The following CTNNA2 variants were observed in gnomAD, a reference collection of about 807,000 sequenced individuals.
The protein encoded by CTNNA2 is catenin alpha-2.
CTNNA2 carries 42 observed loss-of-function variants against 101.0 expected under a neutral mutation model. That is an observed-to-expected ratio of 0.42 (90% CI 0.32 to 0.54). The LOEUF (loss-of-function observed/expected upper bound fraction) is 0.54, where lower values mean the gene tolerates loss of function less well. Ranked by LOEUF, CTNNA2 falls within the 20% of genes least tolerant of loss-of-function variation. CTNNA2 has a pLI of 0.14. For synonymous variants in CTNNA2, 450 were observed against 456.4 expected (o/e 0.99, Z 0.18); for missense variants, 871 against 1,223.1 (o/e 0.71, Z 4.29).
At chr2:80,232,778 G>A (rs1020899299) in intron 7 of CTNNA2, among the ~76,000 whole-genome samples, 1 of 152,030 alleles carries the variant, frequency 6.6e-6, no homozygotes, top group Admixed American at 6.6e-5. Context: ...ATGTCACTTC[G>A]TTAGATAGCT....
At chr2:79,908,957 T>C (rs182647367) in intron 6 of CTNNA2, among the ~76,000 whole-genome samples, 131 of 152,360 alleles carry the variant, frequency 8.6e-4, no homozygotes, top group African/African-American at 3.0e-3. Flanking sequence ...TATCACTATT[T>C]TCCTCTTATA....
At chr2:79,268,153 C>T (rs1675011417) in intron 2 of CTNNA2, among the ~76,000 whole-genome samples, 1 of 152,050 alleles carries the variant, frequency 6.6e-6, no homozygotes, top group African/African-American at 2.4e-5. Flanking sequence ...ACAAGTTGAC[C>T]TAGTATCAAC....
intron 7 of CTNNA2, among the ~76,000 whole-genome samples, chr2:80,371,212 T>C (rs1675410979): frequency 6.6e-6 from 1 of 152,164 alleles, no homozygotes; most frequent in Admixed American, 6.6e-5. Flanking sequence ...ATGCCATATA[T>C]TGAGGTAGCA....
chr2:80,204,467 C>T (rs1375609003), intron 7 of CTNNA2, among the ~76,000 whole-genome samples: 2 of 152,230 alleles, frequency 1.3e-5, no homozygotes, highest in Non-Finnish European at 2.9e-5. Flanking sequence ...AGAGCAGAGG[C>T]AAAATGCCAC....
At chr2:80,587,976 T>C (rs1265958436) in intron 14 of CTNNA2, among the ~76,000 whole-genome samples, 2 of 152,210 alleles carry the variant, frequency 1.3e-5, no homozygotes, top group Non-Finnish European at 2.9e-5. Context: ...TTCTATAAAG[T>C]CATCATGAAC....
intron 7 of CTNNA2, among the ~76,000 whole-genome samples, chr2:80,328,992 G>C (rs893468241): frequency 6.6e-6 from 1 of 152,110 alleles, no homozygotes; most frequent in East Asian, 1.9e-4. Flanking sequence ...TCCACCATTG[G>C]CCAAAATGCC....
At chr2:80,037,693 G>A (rs1313065262) in intron 7 of CTNNA2, among the ~76,000 whole-genome samples, 4 of 152,036 alleles carry the variant, frequency 2.6e-5, no homozygotes, top group Non-Finnish European at 5.9e-5. Context: ...TACAAAAATG[G>A]GCAATAGCAA....
chr2:80,194,401 C>G (rs1706706992), intron 7 of CTNNA2, among the ~76,000 whole-genome samples: 1 of 151,950 alleles, frequency 6.6e-6, no homozygotes, highest in Non-Finnish European at 1.5e-5. Context: ...CTTAGGGCAA[C>G]TATACTAAGT....
At chr2:79,597,425 C>T (rs563746496) in intron 1 of CTNNA2, among the ~76,000 whole-genome samples, 85 of 148,484 alleles carry the variant, frequency 5.7e-4, no homozygotes, top group African/African-American at 2.0e-3. Context: ...TGAGTCGAGA[C>T]GGCGCCACTG....
chr2:80,381,649 G>A (rs1462161455), intron 7 of CTNNA2, among the ~76,000 whole-genome samples: 2 of 152,084 alleles, frequency 1.3e-5, no homozygotes, highest in African/African-American at 4.8e-5. Context: ...GATACCTTTG[G>A]GATCCCCTAG....
At chr2:79,852,828 G>A (rs965507902) in intron 3 of CTNNA2, among the ~76,000 whole-genome samples, 2 of 152,172 alleles carry the variant, frequency 1.3e-5, no homozygotes, top group Non-Finnish European at 2.9e-5. Flanking sequence ...TTGACCTTGT[G>A]ATCCAACCGC....
intron 9 of CTNNA2, among the ~76,000 whole-genome samples, chr2:80,516,384 G>T (rs1026880084): frequency 2.6e-5 from 4 of 152,174 alleles, no homozygotes; most frequent in Admixed American, 6.5e-5. Context: ...TTTTGCCTCA[G>T]CTGGGTACCT....
intron 7 of CTNNA2, among the ~76,000 whole-genome samples, chr2:79,959,056 T>C (rs1689446886): frequency 6.7e-6 from 1 of 149,168 alleles, no homozygotes; most frequent in South Asian, 2.1e-4. Flanking sequence ...TCCGTTTTTT[T>C]TTCTTTCTTT....
At chr2:80,523,970 T>G (rs1344835681) in intron 9 of CTNNA2, among the ~76,000 whole-genome samples, 1 of 151,522 alleles carries the variant, frequency 6.6e-6, no homozygotes, top group Non-Finnish European at 1.5e-5. Context: ...GGTAGAAGGG[T>G]GAATCATATA....
At chr2:80,646,710 C>A (rs572410343) in intron 18 of CTNNA2, among the ~76,000 whole-genome samples, 1 of 152,038 alleles carries the variant, frequency 6.6e-6, no homozygotes, top group South Asian at 2.1e-4. Flanking sequence ...CCAAAATATT[C>A]CTGGCCTAAA....
chr2:79,210,782 T>C (rs904288227), intron 2 of CTNNA2, among the ~76,000 whole-genome samples: 5 of 152,046 alleles, frequency 3.3e-5, no homozygotes, highest in African/African-American at 9.7e-5. Context: ...AGTGAGGACA[T>C]GCAATGTTTT....
chr2:79,582,033 A>G (rs965222328), intron 1 of CTNNA2, among the ~76,000 whole-genome samples: 8 of 152,220 alleles, frequency 5.3e-5, no homozygotes, highest in African/African-American at 1.4e-4. Flanking sequence ...TAAGAAAACC[A>G]TGTAGTCTAG....
chr2:80,214,193 G>A (rs1382993749), intron 7 of CTNNA2, among the ~76,000 whole-genome samples: 1 of 152,060 alleles, frequency 6.6e-6, no homozygotes, highest in Non-Finnish European at 1.5e-5. Context: ...CTTTTACTTG[G>A]AGCATTTAGC....
chr2:79,697,601 C>T (rs1684727775), intron 2 of CTNNA2, among the ~76,000 whole-genome samples: 2 of 152,028 alleles, frequency 1.3e-5, no homozygotes, highest in Non-Finnish European at 2.9e-5. Context: ...ACTTTTGTGG[C>T]ATTAAGCCAA....
Sources: allele counts gnomAD v4.1 joint callset (sites outside exome capture counted in the v4.1 genomes callset), GRCh38; gene constraint gnomAD v4.1.1; transcripts MANE v1.5; gene names NCBI Gene and HGNC (gene_info 2026-07-23, HGNC 2026-07-21).